ABCA8: variants seen among roughly 807,000 people sequenced by gnomAD.
ABCA8 encodes the protein ABC-type organic anion transporter ABCA8.
ABCA8 carries 177 observed loss-of-function variants against 192.3 expected under a neutral mutation model. That is an observed-to-expected ratio of 0.92 (90% CI 0.81 to 1.04). The LOEUF (loss-of-function observed/expected upper bound fraction) is 1.04. Among genes scored for constraint, ABCA8 ranks in the 50% least tolerant of loss-of-function variants. The pLI, the probability that ABCA8 is intolerant of heterozygous loss-of-function variation, is 0.00. For synonymous variants in ABCA8, 642 were observed against 690.2 expected (o/e 0.93, Z 1.09); for missense variants, 1,915 against 1,904.8 (o/e 1.01, Z -0.10).
Position 68,919,293 on chromosome 17 carries a change from T to C in ABCA8, c.1788+8A>G. On this transcript the variant is annotated splice_region_variant and intron_variant, in intron 14 of 39. Coordinates refer to ENST00000586539, the MANE Select transcript of ABCA8 (RefSeq NM_001288985.2). ...GACCAACACATTAACTTTAACATAT[T>C]TTTGTACCTCTTTATCCACTTCTTG... 2 of 1,593,632 alleles carry C rather than the reference T, an allele frequency of 1.3e-6. No homozygotes were observed. The highest frequency in any genetic ancestry group is 1.7e-6 in the Non-Finnish European group (2 of 1,168,804).
chr17:68,922,945 A>G (rs1460833435), intron 11 of ABCA8, among the ~76,000 whole-genome samples: 2 of 152,122 alleles, frequency 1.3e-5, no homozygotes, highest in Non-Finnish European at 2.9e-5. Context: ...AAAATATTTC[A>G]TCTCGCATGT....
chr17:68,920,296 T>C (rs1251126772), intron 13 of ABCA8, among the ~76,000 whole-genome samples: 2 of 152,048 alleles, frequency 1.3e-5, no homozygotes. Context: ...AGATAACTAT[T>C]GGGTACTGGG....
At chr17:68,881,818 C>T (rs1202722663) in intron 31 of ABCA8, 45 bp downstream of exon 31, 4 of 1,437,416 alleles carry the variant, frequency 2.8e-6, no homozygotes, top group Non-Finnish European at 3.9e-6. Flanking sequence ...CCAGGAACCT[C>T]TGAGGAGGGC....
At chr17:68,877,064 TG>T (rs2066227113) in intron 33 of ABCA8, 2 of 176,370 alleles carry the variant, frequency 1.1e-5, no homozygotes, top group Admixed American at 1.2e-4. Flanking sequence ...AGTGCAGTGG[TG>T]TAATCTTGGC....
At chr17:68,895,207 A>G (rs1459483239) in intron 21 of ABCA8, among the ~76,000 whole-genome samples, 194 bp from the exon 22 acceptor site, 1 of 152,132 alleles carries the variant, frequency 6.6e-6, no homozygotes, top group Non-Finnish European at 1.5e-5. Context: ...TATGATTATT[A>G]TTAATGTAAA....
At position 68,867,676 on chromosome 17, in the gene ABCA8, CT is replaced by C. The variant is rs2065951827; in HGVS notation, c.*408del. 6.5e-6 allele frequency: 1 copy of C among 152,834 alleles called. No individual in the cohort carries two copies. Among genetic ancestry groups the C allele is most frequent in the South Asian group, 2.1e-4 (1 of 4,838 alleles). The allele number at this position is 152,834 out of a possible 1,614,324, so 9.5% of individuals were successfully genotyped here. ...TGTTAAATTCTTAGGAAAGTATCAACTTTACAAAGTATCATACACCTAGAAA... is the reference window on the plus strand; with the variant it reads ...TGTTAAATTCTTAGGAAAGTATCAACTTACAAAGTATCATACACCTAGAAA... On this transcript the variant is annotated 3_prime_UTR_variant, in exon 40 of 40. Transcript: ENST00000586539.
rs746015586 is a variant in ABCA8 at position 68,922,303 on chromosome 17, GAAAAAA to G, written c.1443-9_1443-4del. 7 of 1,198,326 alleles carry G rather than the reference GAAAAAA, an allele frequency of 5.8e-6. No homozygotes were observed. In the South Asian group the frequency reaches 1.1e-4, roughly 18 times the overall value. 74.2% of individuals were successfully genotyped at this position (1,198,326 alleles called of 1,614,324 possible). A position where few individuals can be genotyped will look rare whatever the true frequency, so the allele number is the denominator to read the frequency against. ...ATTCTTTTGTAACATTTCTGATTCT[GAAAAAA>G]AGAAAAGATACTTCAAAGTGACAAT... On this transcript the variant is annotated splice_polypyrimidine_tract_variant and splice_region_variant and intron_variant, in intron 11 of 39. Transcript: ENST00000586539.
At chr17:68,900,445 C>A (rs1185394562) in intron 21 of ABCA8, among the ~76,000 whole-genome samples, 1 of 145,232 alleles carries the variant, frequency 6.9e-6, no homozygotes, top group Non-Finnish European at 1.5e-5. Flanking sequence ...TTGCTAATTA[C>A]AAAACTTCCC....
intron 16 of ABCA8, among the ~76,000 whole-genome samples, chr17:68,917,825 T>C (rs1210853718): frequency 6.6e-6 from 1 of 152,254 alleles, no homozygotes; most frequent in Non-Finnish European, 1.5e-5. Flanking sequence ...GCGAGTTTCC[T>C]GGCAGATCAT....
At chr17:68,895,154 C>G in intron 21 of ABCA8, 141 bp from the exon 22 acceptor site, 1 of 541,630 alleles carries the variant, frequency 1.8e-6, no homozygotes, top group Non-Finnish European at 2.9e-6. Flanking sequence ...TACATAACAT[C>G]TATTATTTCT....
chr17:68,927,844 T>C (rs1265970819), intron 10 of ABCA8, 72 bp downstream of exon 10: 3 of 1,162,274 alleles, frequency 2.6e-6, no homozygotes, highest in African/African-American at 3.2e-5. Flanking sequence ...AAATAGTATA[T>C]CCATTAGGAG....
intron 1 of ABCA8, 103 bp from the exon 2 acceptor site, chr17:68,949,575 A>G (rs1282889744): frequency 6.6e-6 from 1 of 152,230 alleles, no homozygotes; most frequent in Non-Finnish European, 1.5e-5. Context: ...ATCCAGCAGC[A>G]CATCAAAAAG....
At chr17:68,898,245 T>C (rs7503035) in intron 21 of ABCA8, among the ~76,000 whole-genome samples, 64,064 of 151,994 alleles carry the variant, frequency 0.42, 14,091 homozygotes, top group East Asian at 0.56. Flanking sequence ...AAGATGAAGG[T>C]GGTAATAGGT....
intron 2 of ABCA8, among the ~76,000 whole-genome samples, chr17:68,947,721 T>G (rs569249535): frequency 1.7e-5 from 1 of 59,478 alleles, no homozygotes; most frequent in East Asian, 2.3e-4. Context: ...TTTAGATTAT[T>G]TATTTATTTA....
chr17:68,932,512 G>T lies in ABCA8; in HGVS notation c.573C>A (p.Ile191=), dbSNP rs762904487. The part of the protein sequence containing the change: ...QAAINAAIIE[I]TTNHSVMEEL... ...CCTCCATCACTGAGTGATTTGTTGT[G>T]ATCTGAAGAAAGGCATTAATAAGCA... The change falls in exon 7 of 40, where the codon ATC becomes ATA. Residue 191 remains isoleucine, a splice_region_variant and synonymous_variant. Coordinates refer to ENST00000586539, the MANE Select transcript of ABCA8 (RefSeq NM_001288985.2). The T allele has an allele frequency of 6.2e-7, 1 of 1,606,482 alleles. No homozygotes were observed. Among genetic ancestry groups the T allele is most frequent in the Non-Finnish European group, 8.5e-7 (1 of 1,173,542 alleles).
chr17:68,925,972 A>G (rs1230979132), intron 10 of ABCA8, among the ~76,000 whole-genome samples: 3 of 152,210 alleles, frequency 2.0e-5, no homozygotes, highest in Non-Finnish European at 4.4e-5. Context: ...TTCTAGTTAT[A>G]ATAATAAAAT....
chr17:68,908,851 A>G (rs1488551844), intron 17 of ABCA8, among the ~76,000 whole-genome samples: 2 of 152,238 alleles, frequency 1.3e-5, no homozygotes, highest in Admixed American at 1.3e-4. Context: ...GAAAACTGGA[A>G]TAATGATTCC....
chr17:68,882,146 G>A (rs892289430), intron 30 of ABCA8, among the ~76,000 whole-genome samples, 166 bp from the exon 31 acceptor site: 3 of 152,102 alleles, frequency 2.0e-5, no homozygotes, highest in African/African-American at 7.2e-5. Flanking sequence ...CCTAACACTT[G>A]CTTTTGGAGA....
intron 19 of ABCA8, among the ~76,000 whole-genome samples, chr17:68,903,832 C>G (rs977365283): frequency 2.0e-5 from 3 of 152,098 alleles, no homozygotes; most frequent in Admixed American, 2.0e-4. Flanking sequence ...TTGACATGCT[C>G]TGAACAGGGA....
Sources: gnomAD v4.1 joint callset for allele counts (sites outside exome capture counted in the v4.1 genomes callset) on GRCh38, gnomAD v4.1.1 for gene constraint, MANE v1.5 for transcripts, NCBI Gene and HGNC (gene_info 2026-07-23, HGNC 2026-07-21) for gene names.